ADAM2: variants seen among roughly 807,000 people sequenced by gnomAD.
ADAM2 encodes the protein ADAM metallopeptidase domain 2.
Under a neutral mutation model 99.3 loss-of-function variants are expected in ADAM2, and 101 were observed. The observed-to-expected ratio is 1.02, with a 90% CI of 0.87 to 1.20. The LOEUF (loss-of-function observed/expected upper bound fraction) is 1.20. Ranked by LOEUF, ADAM2 falls within the 50% of genes most tolerant of loss-of-function variation. The probability of loss-of-function intolerance (pLI) is 0.00; values close to 1 mark genes in which losing one functional copy is unlikely to be tolerated. For missense variants in ADAM2, 948 were observed against 878.7 expected (o/e 1.08, Z -1.00); for synonymous variants, 323 against 287.6 (o/e 1.12, Z -1.25).
intron 11 of ADAM2, among the ~76,000 whole-genome samples, chr8:39,773,287 A>G (rs530873293): frequency 1.3e-5 from 2 of 151,994 alleles, no homozygotes; most frequent in East Asian, 3.9e-4. Context: ...TTGAAGGTCA[A>G]GTTCTAGGAA....
At chr8:39,775,941 G>T (rs1802971085) in intron 11 of ADAM2, among the ~76,000 whole-genome samples, 3 of 152,064 alleles carry the variant, frequency 2.0e-5, no homozygotes, top group African/African-American at 4.8e-5. Flanking sequence ...GCTCAAGGCT[G>T]CAAGAGCCCA....
chr8:39,820,100 G>A (rs965827635), intron 6 of ADAM2, among the ~76,000 whole-genome samples: 4 of 152,086 alleles, frequency 2.6e-5, no homozygotes, highest in African/African-American at 9.7e-5. Flanking sequence ...ACTTATGAAG[G>A]CAAGGGTCTT....
chr8:39,764,678 G>T (rs1430492012), intron 14 of ADAM2, among the ~76,000 whole-genome samples: 1 of 152,110 alleles, frequency 6.6e-6, no homozygotes, highest in Non-Finnish European at 1.5e-5. Flanking sequence ...TGCACATCCG[G>T]AAGTGAACTC....
chr8:39,830,452 T>C (rs1805568393), intron 3 of ADAM2, among the ~76,000 whole-genome samples: 1 of 152,174 alleles, frequency 6.6e-6, no homozygotes, highest in African/African-American at 2.4e-5. Context: ...TATATAGAGC[T>C]TGGAGTCTAA....
chr8:39,771,700 G>A (rs1164639173), intron 11 of ADAM2, among the ~76,000 whole-genome samples: 1 of 152,084 alleles, frequency 6.6e-6, no homozygotes, highest in Non-Finnish European at 1.5e-5. Context: ...GACTTTTTGT[G>A]TGGTTGCATC....
At chr8:39,827,303 AC>A (rs1805448433) in intron 3 of ADAM2, among the ~76,000 whole-genome samples, 1 of 152,176 alleles carries the variant, frequency 6.6e-6, no homozygotes, top group Non-Finnish European at 1.5e-5. Flanking sequence ...AATTAGTACA[AC>A]CATTATGGAA....
chr8:39,836,943 A>C (rs1805847959), intron 2 of ADAM2, among the ~76,000 whole-genome samples, 193 bp downstream of exon 2: 1 of 152,264 alleles, frequency 6.6e-6, no homozygotes. Flanking sequence ...GATAACCAGC[A>C]TCACTGCACC....
chr8:39,809,150 C>T (rs927831267), intron 7 of ADAM2, among the ~76,000 whole-genome samples: 1 of 151,966 alleles, frequency 6.6e-6, no homozygotes, highest in African/African-American at 2.4e-5. Context: ...AGAATACATA[C>T]AAGTTTCTAT....
At chr8:39,835,241 T>C (rs1805773658) in intron 2 of ADAM2, among the ~76,000 whole-genome samples, 1 of 152,194 alleles carries the variant, frequency 6.6e-6, no homozygotes, top group Non-Finnish European at 1.5e-5. Context: ...ACTCTATGCT[T>C]AAGCTTCTAA....
Position 39,838,136 on chromosome 8 carries a change from T to G in ADAM2, c.50A>C (p.Asp17Ala). The G allele has an allele frequency of 6.2e-7, 1 of 1,613,994 alleles. No homozygotes were observed. The highest frequency in any genetic ancestry group is 8.5e-7 in the Non-Finnish European group (1 of 1,179,990). ...LLSGLGGLRMDSNFDSLPVQI... is the reference protein window; with the variant it reads ...LLSGLGGLRMASNFDSLPVQI... The stretch of plus-strand genomic sequence containing the variant: ...GGAGGGGTTTTTCTGCTTACTACTG[T>G]CCATCCGCAGCCCGCCGAGCCCGCT... The change falls in exon 1 of 21, where the codon GAC (aspartate) becomes GCC (alanine). Residue 17 changes from aspartate to alanine, a missense_variant. Asp to Ala is a moderately radical substitution (Grantham distance 126). Coordinates refer to ENST00000265708, the MANE Select transcript of ADAM2 (RefSeq NM_001464.5).
chr8:39,829,264 A>G (rs915856137), intron 3 of ADAM2, among the ~76,000 whole-genome samples: 1 of 151,980 alleles, frequency 6.6e-6, no homozygotes, highest in Non-Finnish European at 1.5e-5. Context: ...TGGAAGAATT[A>G]TCTTTACCAA....
chr8:39,787,753 G>T (rs919224443), intron 9 of ADAM2, among the ~76,000 whole-genome samples: 1 of 151,378 alleles, frequency 6.6e-6, no homozygotes, highest in South Asian at 2.1e-4. Flanking sequence ...TAACAAGAAG[G>T]CTGAATTACT....
intron 7 of ADAM2, among the ~76,000 whole-genome samples, chr8:39,791,549 C>A (rs1166161313): frequency 6.6e-6 from 1 of 152,024 alleles, no homozygotes; most frequent in Non-Finnish European, 1.5e-5. Flanking sequence ...ACTGCTGGCT[C>A]CTTTAGACTT....
intron 7 of ADAM2, among the ~76,000 whole-genome samples, chr8:39,793,173 A>G (rs1483649459): frequency 6.6e-6 from 1 of 152,014 alleles, no homozygotes; most frequent in African/African-American, 2.4e-5. Context: ...ATGGACTTTT[A>G]CCCCCACCTT....
intron 14 of ADAM2, among the ~76,000 whole-genome samples, chr8:39,763,487 C>T (rs924895700): frequency 3.9e-5 from 6 of 152,278 alleles, no homozygotes; most frequent in Admixed American, 6.5e-5. Context: ...AAAAAAGGCA[C>T]CCTTGGGTGG....
At chr8:39,800,237 C>A (rs1260210709) in intron 7 of ADAM2, among the ~76,000 whole-genome samples, 1 of 151,972 alleles carries the variant, frequency 6.6e-6, no homozygotes, top group East Asian at 1.9e-4. Flanking sequence ...AGAAATCCCT[C>A]AGCATTTGCT....
chr8:39,772,497 C>T (rs1802822561), intron 11 of ADAM2, among the ~76,000 whole-genome samples: 1 of 151,996 alleles, frequency 6.6e-6, no homozygotes, highest in South Asian at 2.1e-4. Flanking sequence ...GGAATGGAAG[C>T]CACTGTGTAG....
At chr8:39,800,382 G>C (rs1465744895) in intron 7 of ADAM2, among the ~76,000 whole-genome samples, 1 of 152,146 alleles carries the variant, frequency 6.6e-6, no homozygotes, top group Non-Finnish European at 1.5e-5. Context: ...TAGAGTTTCT[G>C]CTGAGAGGTC....
intron 7 of ADAM2, among the ~76,000 whole-genome samples, chr8:39,805,291 G>T (rs1804391284): frequency 6.6e-6 from 1 of 152,194 alleles, no homozygotes; most frequent in Non-Finnish European, 1.5e-5. Flanking sequence ...ATAGGCGCAG[G>T]TCAAGAAAAG....
Sources: allele counts gnomAD v4.1 joint callset (sites outside exome capture counted in the v4.1 genomes callset), GRCh38; gene constraint gnomAD v4.1.1; transcripts MANE v1.5; gene names NCBI Gene and HGNC (gene_info 2026-07-23, HGNC 2026-07-21).